Variants in RBM6 observed in about 807,000 individuals in gnomAD.
The protein encoded by RBM6 is RNA binding motif protein 6.
A neutral mutation model predicts 140.4 loss-of-function variants in RBM6; 23 were observed. The observed-to-expected ratio is 0.16, with a 90% CI of 0.12 to 0.23. The LOEUF is 0.23. Ranked by LOEUF, RBM6 falls within the 10% of genes least tolerant of loss-of-function variation. The pLI is 1.00. For synonymous variants in RBM6, 439 were observed against 475.6 expected (o/e 0.92, Z 1.00); for missense variants, 1,139 against 1,386.7 (o/e 0.82, Z 2.84).
At chr3:49,987,969 A>G (rs898522595) in intron 5 of RBM6, among the ~76,000 whole-genome samples, 4 of 152,146 alleles carry the variant, frequency 2.6e-5, no homozygotes, top group African/African-American at 9.7e-5. Flanking sequence ...GATCAGGAGC[A>G]CTTTGAGATG....
chr3:50,013,001 C>T (rs1303393354), intron 6 of RBM6, among the ~76,000 whole-genome samples: 1 of 152,018 alleles, frequency 6.6e-6, no homozygotes, highest in Non-Finnish European at 1.5e-5. Context: ...CCTGGGCCTC[C>T]TAAAGTGCTG....
intron 5 of RBM6, among the ~76,000 whole-genome samples, chr3:49,988,847 A>T (rs2108697570): frequency 6.6e-6 from 1 of 152,150 alleles, no homozygotes; most frequent in Admixed American, 6.5e-5. Context: ...CTGTGGTACC[A>T]GGTACTCCGG....
chr3:50,036,882 A>G (rs554271813), intron 6 of RBM6, among the ~76,000 whole-genome samples: 1 of 152,182 alleles, frequency 6.6e-6, no homozygotes, highest in South Asian at 2.1e-4. Flanking sequence ...CCTGGGTTCA[A>G]GTGATTCTCC....
At chr3:49,976,006 A>G (rs1335047845) in intron 5 of RBM6, among the ~76,000 whole-genome samples, 1 of 152,192 alleles carries the variant, frequency 6.6e-6, no homozygotes, top group African/African-American at 2.4e-5. Flanking sequence ...AAATCTTACT[A>G]CAGTAAAAGT....
rs1249676000 is a variant in RBM6, at chr3:49,994,416, C to T, written c.1484-5024C>T. ...CCTGTTGGAAATCTTGCGCACAAAG[C>T]CTCCTTTATTCTGTTATTCCCACTG... is the stretch of plus-strand genomic sequence containing the variant. On this transcript the variant is annotated intron_variant, in intron 5 of 20. Coordinates refer to ENST00000266022, the MANE Select transcript of RBM6 (RefSeq NM_005777.3). Among the ~76,000 whole-genome samples, 4 of 152,144 alleles carry T rather than the reference C, an allele frequency of 2.6e-5. No individual in the cohort carries two copies. The South Asian group carries it at 8.3e-4, about 32-fold the overall frequency.
intron 6 of RBM6, among the ~76,000 whole-genome samples, chr3:50,032,019 G>T (rs9866695): frequency 0.48 from 73,054 of 151,938 alleles, 18,886 homozygotes; most frequent in East Asian, 0.86. Flanking sequence ...AGCGTTTCAA[G>T]CATTACTTCT....
At chr3:49,952,383 C>T (rs1394405730) in intron 1 of RBM6, among the ~76,000 whole-genome samples, 1 of 151,852 alleles carries the variant, frequency 6.6e-6, no homozygotes, top group Non-Finnish European at 1.5e-5. Context: ...CCAGGCTGGT[C>T]TCAGACTCCT....
intron 6 of RBM6, among the ~76,000 whole-genome samples, chr3:50,007,735 A>G (rs945618488): frequency 1.3e-5 from 2 of 151,444 alleles, no homozygotes; most frequent in East Asian, 2.0e-4. Context: ...GGGTTTCACC[A>G]TGTTAGCCAG....
chr3:49,964,529 G>A (rs964515453), intron 2 of RBM6, among the ~76,000 whole-genome samples: 1 of 152,156 alleles, frequency 6.6e-6, no homozygotes, highest in East Asian at 1.9e-4. Context: ...TTTGCAGATT[G>A]TGTATGGCTG....
At chr3:49,949,572 T>C (rs2083643708) in intron 1 of RBM6, among the ~76,000 whole-genome samples, 1 of 152,092 alleles carries the variant, frequency 6.6e-6, no homozygotes, top group Admixed American at 6.6e-5. Context: ...TCTGTATTTT[T>C]AGTAGAAACA....
At chr3:49,954,372 G>A (rs1357762300) in intron 1 of RBM6, among the ~76,000 whole-genome samples, 11 of 151,294 alleles carry the variant, frequency 7.3e-5, no homozygotes, top group Non-Finnish European at 1.3e-4. Context: ...CCCTGGAGGC[G>A]GAGGTTGCAG....
chr3:50,037,995 T>A (rs2108845378), intron 6 of RBM6, among the ~76,000 whole-genome samples: 1 of 152,162 alleles, frequency 6.6e-6, no homozygotes, highest in South Asian at 2.1e-4. Flanking sequence ...GTAATTTTTG[T>A]ATTTTTAGTA....
At chr3:49,976,952 T>A (rs1474505206) in intron 5 of RBM6, among the ~76,000 whole-genome samples, 1 of 152,186 alleles carries the variant, frequency 6.6e-6, no homozygotes, top group Admixed American at 6.6e-5. Context: ...TTAAGTTGTG[T>A]TTTTTATTTT....
intron 6 of RBM6, among the ~76,000 whole-genome samples, 191 bp from the exon 7 acceptor site, chr3:50,048,054 T>C (rs1337576515): frequency 2.6e-5 from 4 of 152,198 alleles, no homozygotes; most frequent in Non-Finnish European, 5.9e-5. Flanking sequence ...TCCCCTTTCC[T>C]AAGCTAAAGC....
Position 50,075,226 on chromosome 3 carries a change from G to C in RBM6, c.3142G>C (p.Asp1048His), listed in dbSNP as rs755798395. The change falls in exon 20 of 21, where the codon GAT becomes CAT. Residue 1048 changes from aspartate to histidine, a missense_variant. Asp to His is a moderately conservative substitution (Grantham distance 81). Around this residue, in one of 9 missense-constraint regions of RBM6, gnomAD observed 125 missense variants for 142.0 expected, o/e 0.88. Coordinates refer to ENST00000266022, the MANE Select transcript of RBM6 (RefSeq NM_005777.3). Reference sequence around the variant, plus strand: ...TGATCGTAAACTTGTTGATAAAGAAGATATCGACACTAGCAGCAAAGGAGG... The same window carrying C: ...TGATCGTAAACTTGTTGATAAAGAACATATCGACACTAGCAGCAAAGGAGG... ...DSDRKLVDKE[D>H]IDTSSKGGCV... is the part of the protein sequence containing the mutation. 5 of 1,613,814 alleles carry C rather than the reference G, an allele frequency of 3.1e-6. No individual in the cohort carries two copies. The highest frequency in any genetic ancestry group is 3.4e-6 in the Non-Finnish European group (4 of 1,179,944).
At chr3:49,945,838 C>T (rs546349005) in intron 1 of RBM6, among the ~76,000 whole-genome samples, 2 of 143,186 alleles carry the variant, frequency 1.4e-5, no homozygotes, top group Admixed American at 7.3e-5. Flanking sequence ...GCCAAAATCG[C>T]GCCACTGCAC....
intron 1 of RBM6, among the ~76,000 whole-genome samples, chr3:49,950,034 T>G (rs1381495701): frequency 6.6e-6 from 1 of 152,250 alleles, no homozygotes; most frequent in African/African-American, 2.4e-5. Context: ...CACTTAAAAT[T>G]TTCAAATCGA....
intron 13 of RBM6, 96 bp downstream of exon 13, chr3:50,061,317 T>C: frequency 6.3e-7 from 1 of 1,598,216 alleles, no homozygotes; most frequent in Non-Finnish European, 8.5e-7. Context: ...AGATACACTG[T>C]TGACTGAGGG....
chr3:50,049,110 A>G lies in RBM6; in HGVS notation c.1632+791A>G, dbSNP rs528206033. ...AGCCACCGCGCTGGCCTGTTTATTT[A>G]TTTATTTATTTATTTTGAGACAGAG... On this transcript the variant is annotated intron_variant, in intron 7 of 20. Coordinates refer to ENST00000266022, the MANE Select transcript of RBM6 (RefSeq NM_005777.3). Among the ~76,000 whole-genome samples the G allele has an allele frequency of 2.0e-5, 3 of 147,842 alleles. No homozygotes were observed. The East Asian group carries it at 6.1e-4, about 30-fold the overall frequency.
Sources: allele counts gnomAD v4.1 joint callset (sites outside exome capture counted in the v4.1 genomes callset), GRCh38; gene constraint gnomAD v4.1.1; regional missense constraint gnomAD v4.1.1; transcripts MANE v1.5; gene names NCBI Gene and HGNC (gene_info 2026-07-23, HGNC 2026-07-21).